The following PREX1 variants were observed in gnomAD, a reference collection of about 807,000 sequenced individuals.
The protein encoded by PREX1 is phosphatidylinositol 3,4,5-trisphosphate-dependent Rac exchanger 1 protein.
Under a neutral mutation model 198.3 loss-of-function variants are expected in PREX1, and 41 were observed. The observed-to-expected ratio is 0.21, with a 90% confidence interval of 0.16 to 0.27. The LOEUF (loss-of-function observed/expected upper bound fraction) is 0.27, where lower values mean the gene tolerates loss of function less well. Ranked by LOEUF, PREX1 falls within the 10% of genes least tolerant of loss-of-function variation. The pLI is 1.00. For missense variants in PREX1, 1,620 were observed against 2,200.7 expected (o/e 0.74, Z 5.28); for synonymous variants, 843 against 887.2 (o/e 0.95, Z 0.89).
chr20:48,741,502 G>C (rs2090081687), intron 3 of PREX1, among the ~76,000 whole-genome samples: 1 of 152,150 alleles, frequency 6.6e-6, no homozygotes, highest in African/African-American at 2.4e-5. Context: ...TAGAACTACA[G>C]GTGCACATTA....
rs2089508883 is a variant in PREX1 at position 48,652,680 on chromosome 20, G to A, written c.2373C>T (p.Thr791=). The A allele has an allele frequency of 3.7e-6, 6 of 1,613,340 alleles. No individual in the cohort carries two copies. The highest frequency in any genetic ancestry group is 5.1e-6 in the Non-Finnish European group (6 of 1,179,592). ...CTCGTGCTTCCTGGGCATCCTCATGGGTGTGGTAGATCCACTGGTACAGGC... is the reference window on the plus strand; with the variant it reads ...CTCGTGCTTCCTGGGCATCCTCATGAGTGTGGTAGATCCACTGGTACAGGC... ...ALGLYQWIYH[T]HEDAQEARAS... Residue 791 remains threonine, a synonymous_variant, in exon 21 of 40, where the codon ACC becomes ACT. Transcript: ENST00000371941.
chr20:48,780,204 T>C (rs6063323), intron 1 of PREX1, among the ~76,000 whole-genome samples: 1 of 152,222 alleles, frequency 6.6e-6, no homozygotes, highest in Non-Finnish European at 1.5e-5. Context: ...GGTTTCTAAA[T>C]ACCATTCTCC....
intron 16 of PREX1, among the ~76,000 whole-genome samples, chr20:48,658,559 A>G (rs1239518302): frequency 1.3e-5 from 2 of 152,228 alleles, no homozygotes; most frequent in African/African-American, 4.8e-5. Context: ...TGCGGGGGAT[A>G]CAGGGAAAGG....
At chr20:48,749,002 G>A (rs1308545170) in intron 1 of PREX1, among the ~76,000 whole-genome samples, 1 of 152,186 alleles carries the variant, frequency 6.6e-6, no homozygotes, top group South Asian at 2.1e-4. Context: ...AAGAGATGAC[G>A]GTGGCCTGGC....
intron 1 of PREX1, among the ~76,000 whole-genome samples, chr20:48,796,634 A>G (rs1392311294): frequency 6.6e-6 from 1 of 151,220 alleles, no homozygotes; most frequent in African/African-American, 2.4e-5. Context: ...GTGTACATAT[A>G]CATATATACT....
chr20:48,853,766 C>T, the PREX1 span, among the ~76,000 whole-genome samples: 1 of 152,176 alleles, frequency 6.6e-6, no homozygotes, highest in South Asian at 2.1e-4. Context: ...ACTCTGCAAA[C>T]CTCAGTTGGA....
intron 3 of PREX1, 92 bp from the exon 4 acceptor site, chr20:48,734,742 G>A: frequency 1.8e-6 from 2 of 1,091,490 alleles, no homozygotes; most frequent in Non-Finnish European, 2.8e-6. Flanking sequence ...TAGGGTAGGG[G>A]TAAGGACTAC....
chr20:48,634,625 T>A, intron 33 of PREX1, 51 bp downstream of exon 33: 1 of 1,583,114 alleles, frequency 6.3e-7, no homozygotes, highest in Non-Finnish European at 8.7e-7. Flanking sequence ...AGCTGTCCCT[T>A]CCACCCCAGG....
chr20:48,856,519 G>C, the PREX1 span, among the ~76,000 whole-genome samples: 1 of 152,206 alleles, frequency 6.6e-6, no homozygotes, highest in South Asian at 2.1e-4. Context: ...AACCATCCAA[G>C]GCCACGTTGC....
intron 1 of PREX1, among the ~76,000 whole-genome samples, chr20:48,764,862 G>A (rs1331812458): frequency 6.6e-6 from 1 of 151,616 alleles, no homozygotes; most frequent in Non-Finnish European, 1.5e-5. Flanking sequence ...AAGACCAGAA[G>A]ACGCTATGCT....
Position 48,681,210 on chromosome 20 carries a change from C to T in PREX1, c.1435+25G>A, listed in dbSNP as rs894399074. 9 of 1,604,692 alleles carry T rather than the reference C, an allele frequency of 5.6e-6. No homozygotes were observed. In the African/African-American group the frequency reaches 1.2e-4, roughly 21 times the overall value. On this transcript the variant is annotated intron_variant, in intron 11 of 39. Coordinates refer to ENST00000371941, the MANE Select transcript of PREX1 (RefSeq NM_020820.4). ...TCTGACCTGTTCCCACCCCTTGGCC[C>T]AGCTGGGCCCAGCCCTCCACTCACC...
intron 13 of PREX1, 25 bp from the exon 14 acceptor site, chr20:48,676,293 G>A (rs1433855708): frequency 6.2e-7 from 1 of 1,607,032 alleles, no homozygotes; most frequent in Non-Finnish European, 8.5e-7. Flanking sequence ...AGCGCACAGT[G>A]AGCAGGGCAG....
At chr20:48,845,181 T>A in the PREX1 span, among the ~76,000 whole-genome samples, 1 of 152,150 alleles carries the variant, frequency 6.6e-6, no homozygotes, top group East Asian at 1.9e-4. Flanking sequence ...GATAACACAG[T>A]GACTAAGACA....
At chr20:48,730,982 C>A (rs1304787252) in intron 4 of PREX1, among the ~76,000 whole-genome samples, 1 of 152,128 alleles carries the variant, frequency 6.6e-6, no homozygotes, top group African/African-American at 2.4e-5. Context: ...GGTGACGCAG[C>A]GAGACCCTAT....
rs563706065 is a variant in PREX1 at position 48,742,634 on chromosome 20, G to A, written c.414+2391C>T. On this transcript the variant is annotated intron_variant, in intron 3 of 39. Coordinates refer to ENST00000371941, the MANE Select transcript of PREX1 (RefSeq NM_020820.4). ...ATGGTAAGTGCAGCCTTCACCAGGTGCCTAGTTTGATGAGGCTACATGAGG... is the reference window on the plus strand; with the variant it reads ...ATGGTAAGTGCAGCCTTCACCAGGTACCTAGTTTGATGAGGCTACATGAGG... Among the ~76,000 whole-genome samples, 24 of 152,284 alleles carry A rather than the reference G, an allele frequency of 1.6e-4. No individual in the cohort carries two copies. In the South Asian group the frequency reaches 4.8e-3, roughly 30 times the overall value.
At chr20:48,676,053 AGATC>A in intron 14 of PREX1, 136 bp downstream of exon 14, 2 of 856,258 alleles carry the variant, frequency 2.3e-6, no homozygotes. Flanking sequence ...AAAAAAAAAA[AGATC>A]AAGATGGTAA....
chr20:48,711,682 C>T (rs1044622448), intron 5 of PREX1, among the ~76,000 whole-genome samples: 8 of 152,110 alleles, frequency 5.3e-5, no homozygotes, highest in Non-Finnish European at 1.2e-4. Flanking sequence ...TTGTATGGAC[C>T]CCAAGGCCTA....
chr20:48,695,456 T>A (rs1405094702), intron 7 of PREX1, among the ~76,000 whole-genome samples: 1 of 152,160 alleles, frequency 6.6e-6, no homozygotes, highest in Non-Finnish European at 1.5e-5. Context: ...AATTACTGAG[T>A]GATAAGGAAT....
chr20:48,827,935 G>A lies in PREX1; in HGVS notation c.-75C>T, dbSNP rs551726002. On this transcript the variant is annotated 5_prime_UTR_variant, in exon 1 of 40. Coordinates refer to ENST00000371941, the MANE Select transcript of PREX1 (RefSeq NM_020820.4). This position sits in a 1 kb window ranked among gnomAD's most constrained non-coding sequence, Gnocchi z 4.1. ...CTCAGGCGTCCAGGCGCCCCATCCC[G>A]GACGGGGCGCGCCGGCGGGCCGGGC... 3.5e-6 allele frequency: 2 copies of A among 569,486 alleles called. No individual in the cohort carries two copies. Among genetic ancestry groups the A allele is most frequent in the Non-Finnish European group, 4.4e-6 (2 of 453,752 alleles). 35.3% of individuals were successfully genotyped at this position (569,486 alleles called of 1,614,324 possible). A position where few individuals can be genotyped will look rare whatever the true frequency, so the allele number is the denominator to read the frequency against.
Sources: gnomAD v4.1 joint callset for allele counts (sites outside exome capture counted in the v4.1 genomes callset) on GRCh38, gnomAD v4.1.1 for gene constraint, Gnocchi (gnomAD v3.1) non-coding constraint, MANE v1.5 for transcripts, NCBI Gene and HGNC (gene_info 2026-07-23, HGNC 2026-07-21) for gene names.